CHSY3: variants seen among roughly 807,000 people sequenced by gnomAD.
CHSY3 encodes chondroitin sulfate synthase 3, also known as N-acetylgalactosaminyl-proteoglycan 3-beta-glucuronosyltransferase 3.
CHSY3 carries 35 observed loss-of-function variants against 67.2 expected under a neutral mutation model. The ratio of observed to expected loss-of-function variants is 0.52; its 90% CI spans 0.40 to 0.69. The LOEUF is 0.69. CHSY3 is among the 30% of genes least tolerant of loss of function. The pLI, the probability that CHSY3 is intolerant of heterozygous loss-of-function variation, is 0.00. For synonymous variants in CHSY3, 474 were observed against 434.7 expected (o/e 1.09, Z -1.12); for missense variants, 1,069 against 1,138.5 (o/e 0.94, Z 0.88).
At chr5:130,139,394 G>A (rs912985898) in intron 2 of CHSY3, among the ~76,000 whole-genome samples, 14 of 152,178 alleles carry the variant, frequency 9.2e-5, no homozygotes, top group African/African-American at 3.4e-4. Context: ...AGCAGTGTGG[G>A]CTCTGTCACA....
chr5:130,086,493 C>G (rs1377562731), intron 2 of CHSY3, among the ~76,000 whole-genome samples: 1 of 151,952 alleles, frequency 6.6e-6, no homozygotes, highest in Non-Finnish European at 1.5e-5. Context: ...TTATTTTGAG[C>G]CTATGTGTGT....
At chr5:130,169,999 T>C (rs1769855507) in intron 2 of CHSY3, among the ~76,000 whole-genome samples, 1 of 152,090 alleles carries the variant, frequency 6.6e-6, no homozygotes, top group Non-Finnish European at 1.5e-5. Context: ...TATTTTATTT[T>C]AGATTCAAGA....
At chr5:129,918,541 A>G (rs953664285) in intron 2 of CHSY3, among the ~76,000 whole-genome samples, 4 of 152,210 alleles carry the variant, frequency 2.6e-5, no homozygotes, top group Non-Finnish European at 5.9e-5. Flanking sequence ...CAGGATACAC[A>G]GGAGTTTAAG....
chr5:130,111,206 C>A (rs1167129871), intron 2 of CHSY3, among the ~76,000 whole-genome samples: 1 of 152,082 alleles, frequency 6.6e-6, no homozygotes, highest in African/African-American at 2.4e-5. Context: ...AGTCATGGAT[C>A]TTCAGGATGA....
chr5:130,185,608 C>A lies in CHSY3; in HGVS notation c.2466C>A (p.Phe822Leu), dbSNP rs1183769900. Residue 822 changes from phenylalanine to leucine, a missense_variant, in exon 3 of 3, where the codon TTC becomes TTA. This residue lies in a region of CHSY3 where 139 missense variants were observed against 152.8 expected (regional missense o/e 0.91). Transcript: ENST00000305031. ...NKVILSGLRP[F>L]RSQEVGVVHI... ...TCATTCTATCTGGCTTAAGGCCATTCAGAAGCCAAGAAGTAGGAGTGGTGC... is the reference window on the plus strand; with the variant it reads ...TCATTCTATCTGGCTTAAGGCCATTAAGAAGCCAAGAAGTAGGAGTGGTGC... 14 of 1,614,106 alleles carry A rather than the reference C, an allele frequency of 8.7e-6. No homozygotes were observed. The highest frequency in any genetic ancestry group is 1.2e-5 in the Non-Finnish European group (14 of 1,179,998).
At chr5:129,944,083 G>T (rs920185718) in intron 2 of CHSY3, among the ~76,000 whole-genome samples, 1 of 152,212 alleles carries the variant, frequency 6.6e-6, no homozygotes, top group Non-Finnish European at 1.5e-5. Flanking sequence ...TTTCTCCTGG[G>T]CTTCAATGCT....
intron 2 of CHSY3, among the ~76,000 whole-genome samples, chr5:130,170,509 G>T (rs1157192086): frequency 6.6e-6 from 1 of 152,072 alleles, no homozygotes; most frequent in Non-Finnish European, 1.5e-5. Context: ...CCAGTAGTAG[G>T]ATTGCTGGGT....
At chr5:130,098,088 C>G (rs1767110667) in intron 2 of CHSY3, among the ~76,000 whole-genome samples, 1 of 152,032 alleles carries the variant, frequency 6.6e-6, no homozygotes, top group Admixed American at 6.5e-5. Context: ...GAAAAAAAAG[C>G]CTACAAAACT....
At chr5:129,907,035 A>G (rs1206834633) in intron 1 of CHSY3, among the ~76,000 whole-genome samples, 2 of 152,188 alleles carry the variant, frequency 1.3e-5, no homozygotes, top group Non-Finnish European at 2.9e-5. Flanking sequence ...TAACAGTGGT[A>G]TTTAGGATTG....
chr5:129,956,185 A>G (rs1386737346), intron 2 of CHSY3, among the ~76,000 whole-genome samples: 1 of 152,072 alleles, frequency 6.6e-6, no homozygotes, highest in African/African-American at 2.4e-5. Flanking sequence ...TTTTTCTCCA[A>G]AACCTTGCGG....
chr5:129,930,682 G>A (rs1022710447), intron 2 of CHSY3, among the ~76,000 whole-genome samples: 1 of 151,942 alleles, frequency 6.6e-6, no homozygotes, highest in Non-Finnish European at 1.5e-5. Flanking sequence ...GAGGAAACCC[G>A]AGACCCTTAC....
chr5:129,974,097 T>G (rs2149616011), intron 2 of CHSY3, among the ~76,000 whole-genome samples: 1 of 152,238 alleles, frequency 6.6e-6, no homozygotes, highest in East Asian at 1.9e-4. Context: ...ATATGAAAAG[T>G]CATAATTTCA....
chr5:130,127,304 G>A (rs1339867577), intron 2 of CHSY3, among the ~76,000 whole-genome samples: 1 of 152,016 alleles, frequency 6.6e-6, no homozygotes, highest in East Asian at 1.9e-4. Flanking sequence ...CATGCTCTGT[G>A]CCAGACACTT....
intron 2 of CHSY3, among the ~76,000 whole-genome samples, chr5:130,129,979 C>T (rs1403957773): frequency 6.6e-6 from 1 of 152,034 alleles, no homozygotes; most frequent in East Asian, 1.9e-4. Context: ...AGGAAAATAT[C>T]GTTACAATTA....
At chr5:130,156,836 AC>A (rs1170035793) in intron 2 of CHSY3, among the ~76,000 whole-genome samples, 1 of 152,224 alleles carries the variant, frequency 6.6e-6, no homozygotes, top group African/African-American at 2.4e-5. Flanking sequence ...CAGTATGGAA[AC>A]TTTTTTAACA....
intron 2 of CHSY3, among the ~76,000 whole-genome samples, chr5:130,143,810 GTATATATATATATATATATA>G (rs61284287): frequency 3.2e-4 from 18 of 56,496 alleles, no homozygotes; most frequent in Admixed American, 1.5e-3. Flanking sequence ...ATATATGTGT[GTATATATATATATATATATA>G]TATATATATA....
At chr5:130,182,019 T>C (rs1215195651) in intron 2 of CHSY3, among the ~76,000 whole-genome samples, 1 of 152,056 alleles carries the variant, frequency 6.6e-6, no homozygotes, top group Admixed American at 6.6e-5. Context: ...TGTATTTCTA[T>C]TGGGCATATA....
chr5:129,983,556 C>T (rs1357797673), intron 2 of CHSY3, among the ~76,000 whole-genome samples: 1 of 151,960 alleles, frequency 6.6e-6, no homozygotes, highest in Non-Finnish European at 1.5e-5. Flanking sequence ...GAGAGCTCTT[C>T]CTTTTCATTC....
intron 2 of CHSY3, among the ~76,000 whole-genome samples, chr5:129,950,139 G>A (rs1002514483): frequency 7.0e-6 from 1 of 143,568 alleles, no homozygotes; most frequent in Non-Finnish European, 1.5e-5. Flanking sequence ...CTGCACTCCA[G>A]CCTGGTGACA....
Sources: allele counts gnomAD v4.1 joint callset (sites outside exome capture counted in the v4.1 genomes callset), GRCh38; gene constraint gnomAD v4.1.1; regional missense constraint gnomAD v4.1.1; transcripts MANE v1.5; gene names NCBI Gene and HGNC (gene_info 2026-07-23, HGNC 2026-07-21).